IL17RD: variants seen among roughly 807,000 people sequenced by gnomAD.
IL17RD encodes the protein interleukin-17 receptor D.
Under a neutral mutation model 80.5 loss-of-function variants are expected in IL17RD, and 52 were observed. The ratio of observed to expected loss-of-function variants is 0.65; its 90% confidence interval spans 0.52 to 0.81. The LOEUF is 0.81. IL17RD is among the 40% of genes least tolerant of loss of function. IL17RD has a pLI of 0.00. For synonymous variants in IL17RD, 416 were observed against 391.8 expected (o/e 1.06, Z -0.73); for missense variants, 1,024 against 955.1 (o/e 1.07, Z -0.95).
rs1193154259 is a variant in IL17RD, at chr3:57,097,636, C to T, written c.2067G>A (p.Thr689=). ...AGGACACGCTCTCCGTCAGGGAAGA[C>T]GTTTCTGTCTGGTCCGTCGAGAGTC... ...MEGLSTDQTE[T]SSLTESVSSS... is the part of the protein sequence containing the mutation. Residue 689 remains threonine, a synonymous_variant, in exon 12 of 13, where the codon ACG becomes ACA. Transcript: ENST00000296318. 1.3e-6 allele frequency: 2 copies of T among 1,593,260 alleles called. No individual in the cohort carries two copies. The highest frequency in any genetic ancestry group is 1.1e-5 in the South Asian group (1 of 87,260).
In IL17RD at chr3:57,114,702, T is replaced by TG. The variant is rs1175411645; in HGVS notation, c.299dup (p.Gly101ArgfsTer39). 1 of 1,610,710 alleles carries TG rather than the reference T, an allele frequency of 6.2e-7. No individual in the cohort carries two copies. Among genetic ancestry groups the TG allele is most frequent in the South Asian group, 1.1e-5 (1 of 90,172 alleles). ...TTTTTGACCACTCACCGAGGGCCCC[T>TG]GGGGACCAAAGAATGGTGACTGCCA... On this transcript the variant is annotated frameshift_variant, in exon 3 of 13. Transcript: ENST00000296318. LOFTEE classifies it high-confidence loss of function.
At chr3:57,169,117 C>T (rs2060359529), upstream of IL17RD, 1 of 420,180 alleles carries the variant, frequency 2.4e-6, no homozygotes, top group South Asian at 1.8e-5. Flanking sequence ...GGGGACCAGG[C>T]CCCACATGCC....
chr3:57,134,199 G>T, intron 1 of IL17RD: 2 of 684,832 alleles, frequency 2.9e-6, no homozygotes, highest in South Asian at 2.7e-5. Context: ...CAAGAAGAAG[G>T]TCTGGTTGGA....
At position 57,120,211 on chromosome 3, in the gene IL17RD, T is replaced by C. The variant is rs763498282; in HGVS notation, c.184+45A>G. ...TAAGCATGGCTATGTAATCTCTAGA[T>C]GACTCAAAGGGCTCCATTCTTCAGC... On this transcript the variant is annotated intron_variant, in intron 2 of 12. Coordinates refer to ENST00000296318, the MANE Select transcript of IL17RD (RefSeq NM_017563.5). The C allele has an allele frequency of 4.2e-6, 6 of 1,439,344 alleles. No individual in the cohort carries two copies. In the South Asian group the frequency reaches 6.9e-5, roughly 16 times the overall value. 89.2% of individuals were successfully genotyped at this position (1,439,344 alleles called of 1,614,324 possible). A position where few individuals can be genotyped will look rare whatever the true frequency, so the allele number is the denominator to read the frequency against.
At chr3:57,121,278 G>A (rs984098957) in intron 1 of IL17RD, among the ~76,000 whole-genome samples, 3 of 152,156 alleles carry the variant, frequency 2.0e-5, no homozygotes, top group African/African-American at 7.2e-5. Context: ...ATGGGTAATT[G>A]TTACACCAAA....
chr3:57,142,522 C>T (rs768961061), intron 1 of IL17RD: 85 of 1,287,388 alleles, frequency 6.6e-5, no homozygotes, highest in Middle Eastern at 2.2e-4. Context: ...CCCCTCCAAC[C>T]GCCCCGTCTG....
intron 5 of IL17RD, 37 bp from the exon 6 acceptor site, chr3:57,106,191 G>A: frequency 6.6e-7 from 1 of 1,526,266 alleles, no homozygotes; most frequent in Middle Eastern, 1.7e-4. Context: ...TTTAGTTTTA[G>A]GACAGTTAGA....
At position 57,114,674 on chromosome 3, in the gene IL17RD, C is replaced by T. The variant is rs749967303; in HGVS notation, c.310+18G>A. ...TCCACCCAGGTTATCACCATGCACT[C>T]GATTTTTGACCACTCACCGAGGGCC... On this transcript the variant is annotated intron_variant, in intron 3 of 12. Transcript: ENST00000296318. The T allele has an allele frequency of 1.4e-5, 23 of 1,590,108 alleles. No individual in the cohort carries two copies. Among genetic ancestry groups the T allele is most frequent in the African/African-American group, 1.1e-4 (8 of 74,052 alleles).
At chr3:57,108,272 T>G (rs1279548757) in intron 5 of IL17RD, among the ~76,000 whole-genome samples, 2 of 151,914 alleles carry the variant, frequency 1.3e-5, no homozygotes. Flanking sequence ...ACCAGGTTGG[T>G]CTCGAACTCC....
chr3:57,115,891 CTG>C (rs1430237243), intron 2 of IL17RD, among the ~76,000 whole-genome samples: 1 of 152,174 alleles, frequency 6.6e-6, no homozygotes, highest in Non-Finnish European at 1.5e-5. Flanking sequence ...GTAAGAAGCT[CTG>C]TGAGTCTCCC....
At chr3:57,151,544 T>C (rs1018006355) in intron 1 of IL17RD, among the ~76,000 whole-genome samples, 4 of 152,122 alleles carry the variant, frequency 2.6e-5, no homozygotes, top group African/African-American at 7.2e-5. Context: ...GTTAAACAGA[T>C]AGGAAGCTCA....
chr3:57,144,368 T>C (rs6771594), intron 1 of IL17RD, among the ~76,000 whole-genome samples: 2,452 of 152,326 alleles, frequency 0.016, 64 homozygotes, highest in African/African-American at 0.056. Flanking sequence ...TCCTCTGGCT[T>C]GTGTCACAGA....
intron 9 of IL17RD, 108 bp from the exon 10 acceptor site, chr3:57,102,697 A>G: frequency 2.0e-6 from 1 of 506,542 alleles, no homozygotes. Context: ...TTCTAGGACC[A>G]TGCAACCACC....
intron 5 of IL17RD, among the ~76,000 whole-genome samples, chr3:57,109,035 G>A (rs967957201): frequency 1.4e-4 from 21 of 152,142 alleles, no homozygotes; most frequent in African/African-American, 3.4e-4. Flanking sequence ...GGGTCTATCC[G>A]GTTAGATGAG....
intron 1 of IL17RD, among the ~76,000 whole-genome samples, chr3:57,154,501 G>A (rs925601257): frequency 4.6e-5 from 7 of 151,904 alleles, no homozygotes; most frequent in Admixed American, 2.0e-4. Flanking sequence ...CGAAAACTCT[G>A]TACTTTTAAA....
intron 1 of IL17RD, among the ~76,000 whole-genome samples, chr3:57,141,863 C>A (rs998911577): frequency 6.6e-6 from 1 of 152,182 alleles, no homozygotes; most frequent in African/African-American, 2.4e-5. Flanking sequence ...TGGATTTTGT[C>A]TTCCACCGCA....
intron 1 of IL17RD, among the ~76,000 whole-genome samples, chr3:57,148,868 C>G (rs1323736854): frequency 1.3e-5 from 2 of 152,200 alleles, no homozygotes; most frequent in Non-Finnish European, 2.9e-5. Context: ...CCTGGCCCCT[C>G]TGATGGCTTC....
chr3:57,151,777 A>G (rs1286086083), intron 1 of IL17RD, among the ~76,000 whole-genome samples: 1 of 152,148 alleles, frequency 6.6e-6, no homozygotes, highest in Non-Finnish European at 1.5e-5. Flanking sequence ...ATGTCTCCAG[A>G]AATTCCCCAA....
chr3:57,126,507 C>T (rs575706870), intron 1 of IL17RD, among the ~76,000 whole-genome samples: 3 of 152,320 alleles, frequency 2.0e-5, no homozygotes, highest in South Asian at 4.1e-4. Flanking sequence ...AGGCCGGCAG[C>T]GGAGCAGGAT....
Sources: allele counts gnomAD v4.1 joint callset (sites outside exome capture counted in the v4.1 genomes callset), GRCh38; gene constraint gnomAD v4.1.1; transcripts MANE v1.5; gene names NCBI Gene and HGNC (gene_info 2026-07-23, HGNC 2026-07-21).